RALYL: variants seen among roughly 807,000 people sequenced by gnomAD.
RALYL encodes the protein RALY RNA binding protein like, also known as RNA-binding Raly-like protein.
A neutral mutation model predicts 35.1 loss-of-function variants in RALYL; 29 were observed. That is an observed-to-expected ratio of 0.83 (90% CI 0.61 to 1.13). The LOEUF (loss-of-function observed/expected upper bound fraction) is 1.13. RALYL is among the 50% of genes most tolerant of loss of function. The pLI is 0.00. For missense variants in RALYL, 359 were observed against 360.4 expected (o/e 1.00, Z 0.03); for synonymous variants, 120 against 127.6 (o/e 0.94, Z 0.40).
At chr8:84,318,542 T>A (rs1213248544) in intron 1 of RALYL, among the ~76,000 whole-genome samples, 2 of 152,226 alleles carry the variant, frequency 1.3e-5, no homozygotes, top group Non-Finnish European at 2.9e-5. Flanking sequence ...TATCGTGTGA[T>A]GTTTTTTGTA....
chr8:84,535,281 A>T (rs1006029294), intron 2 of RALYL, among the ~76,000 whole-genome samples: 1 of 152,144 alleles, frequency 6.6e-6, no homozygotes, highest in Non-Finnish European at 1.5e-5. Flanking sequence ...TATTTTTACT[A>T]TTTCTCTTTC....
chr8:84,388,108 T>C (rs1360286857), intron 1 of RALYL, among the ~76,000 whole-genome samples: 2 of 152,098 alleles, frequency 1.3e-5, no homozygotes, highest in Non-Finnish European at 1.5e-5. Flanking sequence ...TTTTTTGTTC[T>C]TGCGATAGTT....
At chr8:84,521,141 G>T (rs1302922870) in intron 1 of RALYL, among the ~76,000 whole-genome samples, 1 of 152,108 alleles carries the variant, frequency 6.6e-6, no homozygotes, top group East Asian at 1.9e-4. Flanking sequence ...GTTTAGATGA[G>T]GTCATGAGCG....
intron 8 of RALYL, among the ~76,000 whole-genome samples, chr8:84,920,458 T>C (rs1238160496): frequency 6.6e-6 from 1 of 152,092 alleles, no homozygotes; most frequent in African/African-American, 2.4e-5. Flanking sequence ...ATTGGCTTTT[T>C]CTCCTATCCC....
intron 2 of RALYL, among the ~76,000 whole-genome samples, chr8:84,643,210 T>C (rs1356586224): frequency 6.6e-6 from 1 of 151,344 alleles, no homozygotes; most frequent in African/African-American, 2.4e-5. Context: ...AAAAGTCAGC[T>C]GAGTCTGAAC....
At chr8:84,348,440 A>G (rs1850252940) in intron 1 of RALYL, among the ~76,000 whole-genome samples, 1 of 152,074 alleles carries the variant, frequency 6.6e-6, no homozygotes, top group Non-Finnish European at 1.5e-5. Context: ...TCCCACTGAC[A>G]TTCATTCCTC....
At chr8:84,679,842 T>C (rs1005588458) in intron 2 of RALYL, 31 of 384,030 alleles carry the variant, frequency 8.1e-5, no homozygotes, top group Admixed American at 1.4e-4. Context: ...CTCACATCTT[T>C]ATTTTTTTTC....
chr8:84,625,217 C>G (rs1822464364), intron 2 of RALYL, among the ~76,000 whole-genome samples: 1 of 152,146 alleles, frequency 6.6e-6, no homozygotes, highest in Non-Finnish European at 1.5e-5. Flanking sequence ...AATCTCTACC[C>G]TAATGACCTG....
chr8:84,783,864 T>A (rs138844140), intron 3 of RALYL, among the ~76,000 whole-genome samples: 65 of 152,306 alleles, frequency 4.3e-4, no homozygotes, highest in African/African-American at 1.2e-3. Flanking sequence ...TTTGTATTTG[T>A]CCTTGGAAGC....
At chr8:84,868,979 C>T (rs1161953446) in intron 6 of RALYL, among the ~76,000 whole-genome samples, 2 of 151,854 alleles carry the variant, frequency 1.3e-5, no homozygotes, top group Non-Finnish European at 2.9e-5. Flanking sequence ...CCTATAACTT[C>T]AGGCCAGTTG....
At chr8:84,425,321 G>A (rs868082452) in intron 1 of RALYL, among the ~76,000 whole-genome samples, 7 of 152,058 alleles carry the variant, frequency 4.6e-5, no homozygotes, top group African/African-American at 1.2e-4. Context: ...TTCCAGGTGC[G>A]TCCGTCACCC....
At chr8:84,248,589 TTCTC>T (rs1829586896) in intron 1 of RALYL, among the ~76,000 whole-genome samples, 1 of 152,090 alleles carries the variant, frequency 6.6e-6, no homozygotes, top group South Asian at 2.1e-4. Flanking sequence ...CACCAAAACT[TTCTC>T]TCCTGCTTTT....
At chr8:84,783,345 G>A (rs371957176) in intron 3 of RALYL, among the ~76,000 whole-genome samples, 7 of 152,186 alleles carry the variant, frequency 4.6e-5, no homozygotes, top group South Asian at 4.1e-4. Flanking sequence ...AAGCCAAAAT[G>A]TGGTGCACAT....
intron 1 of RALYL, among the ~76,000 whole-genome samples, chr8:84,306,921 G>A (rs114869792): frequency 4.0e-4 from 61 of 152,258 alleles, no homozygotes; most frequent in African/African-American, 1.3e-3. Flanking sequence ...CCCAGTCTTA[G>A]CATGTGCATT....
chr8:84,746,364 T>A (rs1260052912), intron 2 of RALYL, among the ~76,000 whole-genome samples: 1 of 152,016 alleles, frequency 6.6e-6, no homozygotes, highest in Non-Finnish European at 1.5e-5. Context: ...TTTAGTAATG[T>A]TTAAAGCATA....
At chr8:84,755,627 C>G (rs1294628589) in intron 2 of RALYL, among the ~76,000 whole-genome samples, 4 of 152,052 alleles carry the variant, frequency 2.6e-5, no homozygotes, top group Admixed American at 2.0e-4. Context: ...AGTGCTGTGT[C>G]TGTATAAAAG....
rs528934023 is a variant in RALYL at position 84,247,559 on chromosome 8, G to T, written c.-24+63135G>T. Among the ~76,000 whole-genome samples, 84 of 151,454 alleles carry T rather than the reference G, an allele frequency of 5.5e-4. 1 individual carries two copies. Among genetic ancestry groups the T allele is most frequent in the African/African-American group, 1.9e-3 (77 of 41,324 alleles). Reference sequence around the variant, plus strand: ...AAAAAAAAAAAAGAAAAAAAAACTTGGTGCAAACCTGGAAATTTGTAAATA... The same window carrying T: ...AAAAAAAAAAAAGAAAAAAAAACTTTGTGCAAACCTGGAAATTTGTAAATA... On this transcript the variant is annotated intron_variant, in intron 1 of 8. Coordinates refer to ENST00000521268, the MANE Select transcript of RALYL (RefSeq NM_173848.7).
intron 1 of RALYL, among the ~76,000 whole-genome samples, chr8:84,325,540 GA>G (rs1183196204): frequency 6.6e-6 from 1 of 152,174 alleles, no homozygotes; most frequent in Non-Finnish European, 1.5e-5. Flanking sequence ...CAGTCTCAAA[GA>G]TAGACAAGGA....
chr8:84,454,496 A>G (rs778442491), intron 1 of RALYL, among the ~76,000 whole-genome samples: 1 of 152,062 alleles, frequency 6.6e-6, no homozygotes, highest in Non-Finnish European at 1.5e-5. Context: ...ACCTTCATTT[A>G]TAAAGAGCCT....
Sources: allele counts gnomAD v4.1 joint callset (sites outside exome capture counted in the v4.1 genomes callset), GRCh38; gene constraint gnomAD v4.1.1; transcripts MANE v1.5; gene names NCBI Gene and HGNC (gene_info 2026-07-23, HGNC 2026-07-21).